The following GLOD4 variants were observed in gnomAD, a reference collection of about 807,000 sequenced individuals.
The protein encoded by GLOD4 is glyoxalase domain-containing protein 4.
GLOD4 carries 44 observed loss-of-function variants against 39.1 expected under a neutral mutation model. The observed-to-expected ratio is 1.13, with a 90% CI of 0.88 to 1.45. The LOEUF (loss-of-function observed/expected upper bound fraction) is 1.45, where lower values mean the gene tolerates loss of function less well. Ranked by LOEUF, GLOD4 falls within the 40% of genes most tolerant of loss-of-function variation. The pLI, the probability that GLOD4 is intolerant of heterozygous loss-of-function variation, is 0.00. For missense variants in GLOD4, 405 were observed against 366.4 expected (o/e 1.11, Z -0.86); for synonymous variants, 145 against 135.0 (o/e 1.07, Z -0.52).
intron 3 of GLOD4, 82 bp downstream of exon 3, chr17:776,786 A>C: frequency 9.7e-7 from 1 of 1,031,832 alleles, no homozygotes; most frequent in East Asian, 2.4e-5. Flanking sequence ...CTTCACTCAC[A>C]CACACCCTTG....
upstream of GLOD4, among the ~76,000 whole-genome samples, chr17:785,113 G>T (rs1021224119): frequency 9.9e-5 from 15 of 152,068 alleles, no homozygotes; most frequent in African/African-American, 3.6e-4. Context: ...ACTACAAAGG[G>T]ATTGAATATT....
intron 8 of GLOD4, among the ~76,000 whole-genome samples, chr17:762,575 C>A (rs566821244): frequency 7.0e-6 from 1 of 142,938 alleles, no homozygotes; most frequent in Admixed American, 7.0e-5. Flanking sequence ...CTACTCAGTG[C>A]GTGATCTTCA....
chr17:770,646 T>C (rs1286242832), intron 5 of GLOD4, 139 bp from the exon 6 acceptor site: 3 of 598,226 alleles, frequency 5.0e-6, no homozygotes, highest in African/African-American at 3.7e-5. Flanking sequence ...CAGAGACAAC[T>C]AGTCCACACT....
chr17:763,032 C>A (rs928927870), intron 8 of GLOD4, among the ~76,000 whole-genome samples: 1 of 151,888 alleles, frequency 6.6e-6, no homozygotes, highest in Non-Finnish European at 1.5e-5. Flanking sequence ...AAAAAATTAG[C>A]CAGGTGTGGT....
upstream of GLOD4, chr17:782,342 G>T (rs370274918): frequency 6.2e-7 from 1 of 1,612,482 alleles, no homozygotes. Flanking sequence ...AGCCGCCGAC[G>T]GCGCGCTTTC....
chr17:767,775 G>T (rs1391889758), intron 8 of GLOD4, among the ~76,000 whole-genome samples: 1 of 149,866 alleles, frequency 6.7e-6, no homozygotes, highest in African/African-American at 2.5e-5. Context: ...ATCTGGAGAG[G>T]ATGTGAGAGA....
chr17:783,336 T>C (rs777634994), upstream of GLOD4: 1 of 1,570,140 alleles, frequency 6.4e-7, no homozygotes, highest in Non-Finnish European at 8.6e-7. Flanking sequence ...GGGTTAGTGA[T>C]TACCCAGTGT....
chr17:764,920 T>C (rs991458671), intron 8 of GLOD4: 18 of 150,756 alleles, frequency 1.2e-4, no homozygotes, highest in African/African-American at 4.3e-4. Flanking sequence ...GGCAGGAGAA[T>C]GGCGTGAACC....
Position 759,884 on chromosome 17 carries a change from C to A in GLOD4, c.*289G>T, listed in dbSNP as rs1905173753. Reference sequence around the variant, plus strand: ...ACCAAAGTCATGTTCATGCCGCTGTCCTAGTCTGGACAATCATCTGTCACT... The same window carrying A: ...ACCAAAGTCATGTTCATGCCGCTGTACTAGTCTGGACAATCATCTGTCACT... On this transcript the variant is annotated 3_prime_UTR_variant, in exon 9 of 9. Coordinates refer to ENST00000301329, the MANE Select transcript of GLOD4 (RefSeq NM_016080.4). 2 of 373,068 alleles carry A rather than the reference C, an allele frequency of 5.4e-6. No homozygotes were observed. Among genetic ancestry groups the A allele is most frequent in the Non-Finnish European group, 9.7e-6 (2 of 206,590 alleles). The allele number at this position is 373,068 out of a possible 1,614,324, so 23.1% of individuals were successfully genotyped here.
intron 2 of GLOD4, chr17:777,609 TC>T (rs1909180178): frequency 6.6e-6 from 1 of 151,422 alleles, no homozygotes; most frequent in East Asian, 1.9e-4. Flanking sequence ...GACCCCGCAC[TC>T]CCACCTGGGT....
intron 4 of GLOD4, 96 bp from the exon 5 acceptor site, chr17:771,557 G>A: frequency 1.4e-6 from 1 of 707,454 alleles, no homozygotes; most frequent in Admixed American, 3.0e-5. Flanking sequence ...TTCAGTTTAT[G>A]ATAAGAAAGG....
chr17:778,615 T>A lies in GLOD4; in HGVS notation c.140+80A>T, dbSNP rs1401650149. 4 of 881,090 alleles carry A rather than the reference T, an allele frequency of 4.5e-6. No individual in the cohort carries two copies. The South Asian group carries it at 5.3e-5, about 12-fold the overall frequency. The allele number at this position is 881,090 out of a possible 1,614,324, so 54.6% of individuals were successfully genotyped here. On this transcript the variant is annotated intron_variant, in intron 2 of 8. Transcript: ENST00000301329. Reference sequence around the variant, plus strand: ...CTCCTTAATTAATTCCACTGCTTTATACTCACTTTGAGAAACTGTCTTCTG... The same window carrying A: ...CTCCTTAATTAATTCCACTGCTTTAAACTCACTTTGAGAAACTGTCTTCTG...
intron 8 of GLOD4, chr17:763,662 G>T (rs1597574965): frequency 6.6e-6 from 1 of 151,116 alleles, no homozygotes; most frequent in South Asian, 2.1e-4. Context: ...ACTGCAGCCC[G>T]GGAACATAGA....
upstream of GLOD4, chr17:782,332 A>T (rs1284603593): frequency 1.2e-6 from 2 of 1,611,986 alleles, no homozygotes; most frequent in Non-Finnish European, 1.7e-6. Context: ...TGACGTCACT[A>T]GCCGCCGACG....
At chr17:764,414 T>G (rs572697617) in intron 8 of GLOD4, 2 of 152,358 alleles carry the variant, frequency 1.3e-5, no homozygotes, top group Admixed American at 1.3e-4. Flanking sequence ...CTACTGGACC[T>G]CTCGTGGACA....
chr17:761,489 T>G (rs1905419838), intron 8 of GLOD4, among the ~76,000 whole-genome samples: 1 of 152,226 alleles, frequency 6.6e-6, no homozygotes, highest in African/African-American at 2.4e-5. Flanking sequence ...ACTAAATTAT[T>G]TGGAGAACCT....
At chr17:770,831 A>T (rs2144372508) in intron 5 of GLOD4, 1 of 244,368 alleles carries the variant, frequency 4.1e-6, no homozygotes, top group Admixed American at 4.9e-5. Flanking sequence ...CCATTCCATG[A>T]ATGAGCCGTA....
chr17:774,461 A>C (rs1908546192), intron 4 of GLOD4, among the ~76,000 whole-genome samples: 1 of 152,204 alleles, frequency 6.6e-6, no homozygotes, highest in African/African-American at 2.4e-5. Flanking sequence ...CAGGTAGCTG[A>C]ATTTGCAGGC....
chr17:780,547 T>C (rs1909707409), intron 1 of GLOD4: 3 of 152,174 alleles, frequency 2.0e-5, no homozygotes, highest in Admixed American at 2.0e-4. Flanking sequence ...ACTCGAATCC[T>C]GGCTAACACG....
Sources: allele counts gnomAD v4.1 joint callset (sites outside exome capture counted in the v4.1 genomes callset), GRCh38; gene constraint gnomAD v4.1.1; transcripts MANE v1.5; gene names NCBI Gene and HGNC (gene_info 2026-07-23, HGNC 2026-07-21).